FBXO46: variants seen among roughly 807,000 people sequenced by gnomAD.
FBXO46 encodes the protein F-box protein 46, also known as F-box only protein 46.
FBXO46 carries 13 observed loss-of-function variants against 30.7 expected under a neutral mutation model. That is an observed-to-expected ratio of 0.42 (90% confidence interval 0.28 to 0.67). FBXO46 has a LOEUF of 0.67. Ranked by LOEUF, FBXO46 falls within the 30% of genes least tolerant of loss-of-function variation. The pLI is 0.21. For missense variants in FBXO46, 754 were observed against 871.5 expected (o/e 0.87, Z 1.70); for synonymous variants, 467 against 385.8 (o/e 1.21, Z -2.47).
rs370501759 is a variant in FBXO46, at chr19:45,713,369, C to G, written c.127G>C (p.Gly43Arg). 6.2e-7 allele frequency: 1 copy of G among 1,612,202 alleles called. No homozygotes were observed. Among genetic ancestry groups the G allele is most frequent in the Non-Finnish European group, 8.5e-7 (1 of 1,178,986 alleles). ...KPSACPEPGG[G>R]AEPDHGPAHS... ...GCAGGCCCATGGTCTGGCTCGGCCC[C>G]GCCACCAGGCTCAGGGCAGGCTGAT... is the stretch of plus-strand genomic sequence containing the variant. Residue 43 changes from glycine to arginine, a missense_variant, in exon 2 of 2, where the codon GGG becomes CGG. Around this residue, in one of 5 missense-constraint regions of FBXO46, gnomAD observed 97 missense variants for 113.0 expected, o/e 0.86. Transcript: ENST00000317683. This position sits in a 1 kb window ranked among gnomAD's most constrained non-coding sequence, Gnocchi z 4.7.
chr19:45,715,957 A>C (rs1968085518), intron 1 of FBXO46: 1 of 152,086 alleles, frequency 6.6e-6, no homozygotes, highest in Non-Finnish European at 1.5e-5. Flanking sequence ...TCAAATACTT[A>C]CAGTCCCTGC....
At chr19:45,717,676 G>A (rs1483033851) in intron 1 of FBXO46, among the ~76,000 whole-genome samples, 2 of 152,048 alleles carry the variant, frequency 1.3e-5, no homozygotes, top group Non-Finnish European at 2.9e-5. Context: ...AGCCCTGATT[G>A]ACGCTTGAGA....
intron 1 of FBXO46, among the ~76,000 whole-genome samples, chr19:45,724,158 A>G (rs1374730642): frequency 6.6e-6 from 1 of 152,186 alleles, no homozygotes; most frequent in Non-Finnish European, 1.5e-5. Flanking sequence ...TAAGACAAAT[A>G]AATGAAGGCA....
At chr19:45,723,969 T>A (rs1600365534) in intron 1 of FBXO46, among the ~76,000 whole-genome samples, 1 of 152,246 alleles carries the variant, frequency 6.6e-6, no homozygotes, top group East Asian at 1.9e-4. Flanking sequence ...TAGAAATACA[T>A]CATTAAACGT....
intron 1 of FBXO46, among the ~76,000 whole-genome samples, chr19:45,722,962 G>A (rs994283299): frequency 6.6e-6 from 1 of 152,164 alleles, no homozygotes; most frequent in African/African-American, 2.4e-5. Flanking sequence ...GCAAAGGCAG[G>A]AGAATCGCTT....
chr19:45,720,757 C>T (rs1317721319), intron 1 of FBXO46, among the ~76,000 whole-genome samples: 1 of 152,088 alleles, frequency 6.6e-6, no homozygotes, highest in African/African-American at 2.4e-5. Context: ...CACACCAAGT[C>T]AGAACTTAGA....
At chr19:45,727,818 T>TAACAAC (rs59825311) in intron 1 of FBXO46, among the ~76,000 whole-genome samples, 17 of 151,970 alleles carry the variant, frequency 1.1e-4, no homozygotes, top group African/African-American at 4.1e-4. Context: ...AAAAGCAAAC[T>TAACAAC]AACAACAACA....
Position 45,712,744 on chromosome 19 carries a change from C to A in FBXO46, c.752G>T (p.Arg251Leu). 1 of 1,611,570 alleles carries A rather than the reference C, an allele frequency of 6.2e-7. No homozygotes were observed. The highest frequency in any genetic ancestry group is 8.5e-7 in the Non-Finnish European group (1 of 1,178,840). ...CACCTCCCCAGGGCCTGGCCCGGGC[C>A]GCTCTTCCTTGCGGAGGCCCTTGGT... ...PPTKGLRKEE[R>L]PGPGPGEVRI... Residue 251 changes from arginine to leucine, a missense_variant, in exon 2 of 2, where the codon CGG (arginine) becomes CTG (leucine). Physicochemically the swap from Arg to Leu is moderately radical, Grantham distance 102. Coordinates refer to ENST00000317683, the MANE Select transcript of FBXO46 (RefSeq NM_001080469.2). The surrounding 1 kb of genome is among the most constrained non-coding windows in gnomAD (Gnocchi z 8.8).
At position 45,712,792 on chromosome 19, in the gene FBXO46, T is replaced by A; in HGVS notation, c.704A>T (p.Glu235Val). 6.2e-7 allele frequency: 1 copy of A among 1,611,900 alleles called. No individual in the cohort carries two copies. Among genetic ancestry groups the A allele is most frequent in the Non-Finnish European group, 8.5e-7 (1 of 1,178,972 alleles). ...SRVAEAVAHF[E>V]AQRDSPPTKG... ...GGTGGGAGGGCTGTCCCTCTGCGCTTCAAAGTGGGCCACGGCCTCGGCTAC... is the reference window on the plus strand; with the variant it reads ...GGTGGGAGGGCTGTCCCTCTGCGCTACAAAGTGGGCCACGGCCTCGGCTAC... Residue 235 changes from glutamate (E) to valine (V), a missense_variant, in exon 2 of 2, where the codon GAA becomes GTA. Physicochemically the swap from Glu to Val is moderately radical, Grantham distance 121. This residue lies in a region of FBXO46 where 454 missense variants were observed against 426.5 expected (regional missense o/e 1.06). Transcript: ENST00000317683. The surrounding 1 kb of genome is among the most constrained non-coding windows in gnomAD (Gnocchi z 8.8).
rs762655562 is a variant in FBXO46 at position 45,711,207 on chromosome 19, G to A, written c.*477C>T. On this transcript the variant is annotated 3_prime_UTR_variant, in exon 2 of 2. Transcript: ENST00000317683. Reference sequence around the variant, plus strand: ...CAGCCCCCAATTCCTAGAGAGGTGAGAGCTGTCGTGTGGCAGGTTAGGAGA... The same window carrying A: ...CAGCCCCCAATTCCTAGAGAGGTGAAAGCTGTCGTGTGGCAGGTTAGGAGA... The A allele has an allele frequency of 2.8e-5, 12 of 424,840 alleles. No homozygotes were observed. The highest frequency in any genetic ancestry group is 1.5e-4 in the South Asian group (9 of 58,378). 26.3% of individuals were successfully genotyped at this position (424,840 alleles called of 1,614,324 possible).
rs554357141 is a variant in FBXO46, at chr19:45,714,521, G to A, written c.-78-948C>T. 3 of 152,364 alleles carry A rather than the reference G, an allele frequency of 2.0e-5. No homozygotes were observed. The East Asian group carries it at 5.8e-4, about 29-fold the overall frequency. The allele number at this position is 152,364 out of a possible 1,614,324, so 9.4% of individuals were successfully genotyped here. A position where few individuals can be genotyped will look rare whatever the true frequency, so the allele number is the denominator to read the frequency against. On this transcript the variant is annotated intron_variant, in intron 1 of 1. Transcript: ENST00000317683. ...CCGCGGAGTAAGAGGGCCTGTTCTA[G>A]AGCCTAGGAGGAGTTCCAGGCTGCA...
chr19:45,732,173 T>C (rs1245406791), upstream of FBXO46, among the ~76,000 whole-genome samples: 1 of 151,416 alleles, frequency 6.6e-6, no homozygotes, highest in Non-Finnish European at 1.5e-5. Context: ...GAGATCTTTG[T>C]GTACCTTGTT....
At position 45,711,091 on chromosome 19, in the gene FBXO46, G is replaced by A; in HGVS notation, c.*593C>T. ...GAGACTGGTAGCTTGAGGTTAAGGA[G>A]AAAACAGTATTTCCCCCCCACTTCT... On this transcript the variant is annotated 3_prime_UTR_variant, in exon 2 of 2. Transcript: ENST00000317683. 2.9e-6 allele frequency: 1 copy of A among 345,974 alleles called. No homozygotes were observed. Among genetic ancestry groups the A allele is most frequent in the South Asian group, 2.2e-5 (1 of 45,952 alleles). The allele number at this position is 345,974 out of a possible 1,614,324, so 21.4% of individuals were successfully genotyped here.
intron 1 of FBXO46, among the ~76,000 whole-genome samples, chr19:45,730,514 T>A (rs1363636988): frequency 6.6e-6 from 1 of 151,862 alleles, no homozygotes; most frequent in Non-Finnish European, 1.5e-5. Flanking sequence ...CTGATCCTCA[T>A]ACCCTCGCCG....
chr19:45,717,933 A>G (rs1968121843), intron 1 of FBXO46, among the ~76,000 whole-genome samples: 1 of 152,186 alleles, frequency 6.6e-6, no homozygotes, highest in South Asian at 2.1e-4. Context: ...CCGTGTAGCC[A>G]TTCGGAGCTG....
Position 45,712,291 on chromosome 19 carries a change from G to T in FBXO46, c.1205C>A (p.Pro402Gln). Residue 402 changes from proline (P) to glutamine (Q), a missense_variant, in exon 2 of 2, where the codon CCG becomes CAG. Physicochemically the swap from Pro to Gln is moderately conservative, Grantham distance 76. Coordinates refer to ENST00000317683, the MANE Select transcript of FBXO46 (RefSeq NM_001080469.2). This position sits in a 1 kb window ranked among gnomAD's most constrained non-coding sequence, Gnocchi z 8.8. ...TVCLTVSPEE[P>Q]PPPGQLFFLQ... ...AAAGAAGAGCTGGCCCGGAGGCGGCGGTTCCTCCGGGCTGACCGTCAGGCA... is the reference window on the plus strand; with the variant it reads ...AAAGAAGAGCTGGCCCGGAGGCGGCTGTTCCTCCGGGCTGACCGTCAGGCA... 10 of 1,602,592 alleles carry T rather than the reference G, an allele frequency of 6.2e-6. No homozygotes were observed. The highest frequency in any genetic ancestry group is 8.5e-6 in the Non-Finnish European group (10 of 1,179,560).
chr19:45,712,839 G>A lies in FBXO46; in HGVS notation c.657C>T (p.Ser219=), dbSNP rs756006396. Residue 219 remains serine (S), a synonymous_variant, in exon 2 of 2, where the codon TCC becomes TCT. Coordinates refer to ENST00000317683, the MANE Select transcript of FBXO46 (RefSeq NM_001080469.2). This position sits in a 1 kb window ranked among gnomAD's most constrained non-coding sequence, Gnocchi z 8.8. ...CTACACGGCTGCAGTCCCCACCACC[G>A]GACCGCCGTTCAGATCCCACCCCCT... The part of the protein sequence containing the change: ...PAKGVGSERR[S]GGGDCSRVAE... The A allele has an allele frequency of 5.6e-6, 9 of 1,613,032 alleles. No individual in the cohort carries two copies. The highest frequency in any genetic ancestry group is 1.6e-4 in the Middle Eastern group (1 of 6,062).
In FBXO46 at chr19:45,713,163, C is replaced by T. The variant is rs1369268872; in HGVS notation, c.333G>A (p.Gly111=). 2 of 1,613,754 alleles carry T rather than the reference C, an allele frequency of 1.2e-6. No individual in the cohort carries two copies. The highest frequency in any genetic ancestry group is 1.7e-5 in the Admixed American group (1 of 60,026). Residue 111 remains glycine (G), a synonymous_variant, in exon 2 of 2, where the codon GGG becomes GGA. Coordinates refer to ENST00000317683, the MANE Select transcript of FBXO46 (RefSeq NM_001080469.2). This position sits in a 1 kb window ranked among gnomAD's most constrained non-coding sequence, Gnocchi z 4.7. Reference sequence around the variant, plus strand: ...CCTTCATGGAGCTGGCCCGGCTGCCCCCACCACACTGGTGGGCCACAAAGA... The same window carrying T: ...CCTTCATGGAGCTGGCCCGGCTGCCTCCACCACACTGGTGGGCCACAAAGA... ...VAFFVAHQCG[G]GSRASSMKVK...
chr19:45,712,671 G>A lies in FBXO46; in HGVS notation c.825C>T (p.Asp275=). 1 of 1,612,650 alleles carries A rather than the reference G, an allele frequency of 6.2e-7. No individual in the cohort carries two copies. The highest frequency in any genetic ancestry group is 8.5e-7 in the Non-Finnish European group (1 of 1,179,338). The change falls in exon 2 of 2, where the codon GAC becomes GAT. Residue 275 remains aspartate (D), a synonymous_variant. Coordinates refer to ENST00000317683, the MANE Select transcript of FBXO46 (RefSeq NM_001080469.2). The surrounding 1 kb of genome is among the most constrained non-coding windows in gnomAD (Gnocchi z 8.8). The part of the protein sequence containing the change: ...ISNGREPRAP[D]SGLPSGGGGR... ...CCCCGCCCCCACTGGGCAGGCCGCTGTCTGGTGCACGGGGCTCCCGGCCGT... is the reference window on the plus strand; with the variant it reads ...CCCCGCCCCCACTGGGCAGGCCGCTATCTGGTGCACGGGGCTCCCGGCCGT...
Sources: allele counts gnomAD v4.1 joint callset (sites outside exome capture counted in the v4.1 genomes callset), GRCh38; gene constraint gnomAD v4.1.1; regional missense constraint gnomAD v4.1.1; non-coding constraint Gnocchi (gnomAD v3.1); transcripts MANE v1.5; gene names NCBI Gene and HGNC (gene_info 2026-07-23, HGNC 2026-07-21).